The following CCDC171 variants were observed in gnomAD, a reference collection of about 807,000 sequenced individuals.
CCDC171 encodes coiled-coil domain containing 171, also known as coiled-coil domain-containing protein 171.
A neutral mutation model predicts 168.2 loss-of-function variants in CCDC171; 177 were observed. The ratio of observed to expected loss-of-function variants is 1.05; its 90% CI spans 0.93 to 1.19. CCDC171 has a LOEUF of 1.19. CCDC171 is among the 50% of genes most tolerant of loss of function. The probability of loss-of-function intolerance (pLI) is 0.00; values close to 1 mark genes in which losing one functional copy is unlikely to be tolerated. For synonymous variants in CCDC171, 687 were observed against 540.8 expected (o/e 1.27, Z -3.75); for missense variants, 1,991 against 1,539.0 (o/e 1.29, Z -4.91).
intron 25 of CCDC171, among the ~76,000 whole-genome samples, chr9:15,950,897 C>G (rs1312873421): frequency 6.6e-6 from 1 of 151,260 alleles, no homozygotes; most frequent in Non-Finnish European, 1.5e-5. Context: ...TGCAGAGACA[C>G]ACATAGGCTC....
intron 25 of CCDC171, among the ~76,000 whole-genome samples, chr9:15,937,805 G>T (rs544372335): frequency 6.6e-6 from 1 of 151,844 alleles, no homozygotes; most frequent in Non-Finnish European, 1.5e-5. Flanking sequence ...GGTGGTCAAG[G>T]CACATCTTTT....
chr9:15,558,198 CTT>C (rs1563934990), intron 1 of CCDC171, among the ~76,000 whole-genome samples: 1 of 152,004 alleles, frequency 6.6e-6, no homozygotes, highest in Non-Finnish European at 1.5e-5. Context: ...CTAAAATTCT[CTT>C]TTTTTGTTGT....
At chr9:16,038,846 T>A (rs10962259), upstream of CCDC171, among the ~76,000 whole-genome samples, 7,624 of 37,766 alleles carry the variant, frequency 0.2, 307 homozygotes, top group Non-Finnish European at 0.28. Flanking sequence ...GAAAAAAAAA[T>A]AGAAAAAGAC....
intron 6 of CCDC171, among the ~76,000 whole-genome samples, chr9:16,033,434 C>T (rs1035655838): frequency 6.6e-6 from 1 of 152,194 alleles, no homozygotes; most frequent in East Asian, 1.9e-4. Context: ...AGCGCAAGCC[C>T]TGTTGTAAAC....
intron 24 of CCDC171, among the ~76,000 whole-genome samples, chr9:15,914,374 G>A (rs1272703519): frequency 1.3e-5 from 2 of 152,176 alleles, no homozygotes; most frequent in Non-Finnish European, 2.9e-5. Flanking sequence ...GAGGCAGTCT[G>A]GCTACAGTGG....
intron 25 of CCDC171, among the ~76,000 whole-genome samples, chr9:15,946,514 T>C (rs1360937492): frequency 6.6e-6 from 1 of 151,846 alleles, no homozygotes; most frequent in Non-Finnish European, 1.5e-5. Context: ...CTCAACAAAA[T>C]AAAACAGGAT....
At chr9:15,738,222 G>A (rs2054616922) in intron 16 of CCDC171, among the ~76,000 whole-genome samples, 1 of 152,144 alleles carries the variant, frequency 6.6e-6, no homozygotes. Context: ...GAGTCTCAAA[G>A]TTCACAGAGT....
At chr9:15,765,981 C>G (rs1442237988) in intron 18 of CCDC171, among the ~76,000 whole-genome samples, 1 of 152,104 alleles carries the variant, frequency 6.6e-6, no homozygotes, top group Non-Finnish European at 1.5e-5. Context: ...AAGACAGTAC[C>G]TCCCTCCAGA....
chr9:15,967,957 CTTTA>C lies in CCDC171; in HGVS notation c.3754-3640_3754-3637del, dbSNP rs752312391. On this transcript the variant is annotated intron_variant, in intron 25 of 25. Coordinates refer to ENST00000380701, the MANE Select transcript of CCDC171 (RefSeq NM_173550.4). ...TGGTTATTTTATTATTAGACTAATG[CTTTA>C]TTTATTTATTTTTGTTTGAAAAACA... is the stretch of plus-strand genomic sequence containing the variant. 1.1e-4 allele frequency among the ~76,000 whole-genome samples: 17 copies of C among 152,176 alleles called. No individual in the cohort carries two copies. The South Asian group carries it at 1.2e-3, about 11-fold the overall frequency.
At chr9:15,643,658 C>G (rs748957934) in intron 7 of CCDC171, among the ~76,000 whole-genome samples, 11 of 152,178 alleles carry the variant, frequency 7.2e-5, no homozygotes, top group Non-Finnish European at 1.6e-4. Context: ...TTACCACTAT[C>G]TAATTCCAGA....
Position 15,841,933 on chromosome 9 carries a change from C to T in CCDC171, c.3268-4769C>T, listed in dbSNP as rs887939859. Among the ~76,000 whole-genome samples the T allele has an allele frequency of 7.2e-4, 109 of 151,908 alleles. 1 individual carries two copies. The highest frequency in any genetic ancestry group is 2.4e-3 in the African/African-American group (100 of 41,398). ...GATTAATATAATTTTTTAGTTGTTA[C>T]ATAACAGTAGGGCTGAAGACAGCCT... is the stretch of plus-strand genomic sequence containing the variant. On this transcript the variant is annotated intron_variant, in intron 21 of 25. Coordinates refer to ENST00000380701, the MANE Select transcript of CCDC171 (RefSeq NM_173550.4).
the CCDC171 span, among the ~76,000 whole-genome samples, chr9:16,097,137 T>C: frequency 6.6e-6 from 1 of 152,190 alleles, no homozygotes; most frequent in Non-Finnish European, 1.5e-5. Context: ...ACCCAACCCA[T>C]GAGGCTGGCC....
the CCDC171 span, among the ~76,000 whole-genome samples, chr9:16,105,065 T>A: frequency 6.6e-6 from 1 of 152,274 alleles, no homozygotes; most frequent in East Asian, 1.9e-4. Context: ...CCCTACCAAA[T>A]TCCCTCCCAT....
intron 24 of CCDC171, among the ~76,000 whole-genome samples, chr9:15,898,992 C>T (rs1264405957): frequency 6.6e-6 from 1 of 152,190 alleles, no homozygotes; most frequent in East Asian, 1.9e-4. Flanking sequence ...TCATCCCTAA[C>T]TCATAGCAGC....
At chr9:15,717,851 G>A (rs1339660763) in intron 11 of CCDC171, among the ~76,000 whole-genome samples, 2 of 152,208 alleles carry the variant, frequency 1.3e-5, no homozygotes, top group African/African-American at 2.4e-5. Context: ...TAGTACACAC[G>A]GACCTTTGGT....
intron 24 of CCDC171, among the ~76,000 whole-genome samples, chr9:15,894,715 CT>C (rs1820676805): frequency 6.6e-6 from 1 of 152,080 alleles, no homozygotes. Flanking sequence ...ATCCCTTTCT[CT>C]CGAATTTCCA....
chr9:15,969,828 TA>T (rs1831168224), intron 25 of CCDC171, among the ~76,000 whole-genome samples: 1 of 152,134 alleles, frequency 6.6e-6, no homozygotes, highest in Non-Finnish European at 1.5e-5. Context: ...ATGACACTGC[TA>T]AAAAATGATT....
the CCDC171 span, among the ~76,000 whole-genome samples, chr9:16,091,313 A>G: frequency 1.3e-5 from 2 of 152,218 alleles, no homozygotes; most frequent in African/African-American, 4.8e-5. Flanking sequence ...TACCCAATGG[A>G]AAAGAAATGA....
At chr9:15,952,711 C>A (rs1401657197) in intron 25 of CCDC171, among the ~76,000 whole-genome samples, 1 of 152,064 alleles carries the variant, frequency 6.6e-6, no homozygotes, top group African/African-American at 2.4e-5. Flanking sequence ...TTTGCTATTT[C>A]TGCAAAGAAT....
Sources: allele counts gnomAD v4.1 joint callset (sites outside exome capture counted in the v4.1 genomes callset), GRCh38; gene constraint gnomAD v4.1.1; transcripts MANE v1.5; gene names NCBI Gene and HGNC (gene_info 2026-07-23, HGNC 2026-07-21).